GALC: variants seen among roughly 807,000 people sequenced by gnomAD.
GALC encodes galactosylceramidase.
GALC carries 77 observed loss-of-function variants against 91.8 expected under a neutral mutation model. The ratio of observed to expected loss-of-function variants is 0.84; its 90% CI spans 0.70 to 1.01. GALC has a LOEUF of 1.01. GALC is among the 50% of genes least tolerant of loss of function. GALC has a pLI of 0.00. For missense variants in GALC, 882 were observed against 855.9 expected, an observed-to-expected ratio of 1.03 and a Z score of -0.38; for synonymous variants, 357 against 306.7, an observed-to-expected ratio of 1.16 and a Z score of -1.71.
chr14:87,984,283 A>G, intron 5 of GALC, 111 bp downstream of exon 5: 2 of 1,057,804 alleles, frequency 1.9e-6, no homozygotes, highest in Non-Finnish European at 2.8e-6. Context: ...ATTAGAACAA[A>G]TTAGCCTCAT....
Position 87,980,994 on chromosome 14 carries a change from T to C in GALC, c.621+1211A>G, listed in dbSNP as rs146039277. ...TATCTTTTTTGTATAATGACTTCTT[T>C]TCCTCTGGGTAGATACCCAGTAGCA... is the stretch of plus-strand genomic sequence containing the variant. On this transcript the variant is annotated intron_variant, in intron 6 of 16. Transcript: ENST00000261304. Among the ~76,000 whole-genome samples, 513 of 152,356 alleles carry C rather than the reference T, an allele frequency of 3.4e-3. 3 individuals carry two copies. Among genetic ancestry groups the C allele is most frequent in the African/African-American group, 0.012 (491 of 41,576 alleles).
At position 87,934,174 on chromosome 14, in the gene GALC, C is replaced by T; in HGVS notation, c.*558G>A. ...AAATCATCCCACTCATCATATCCTGCATTTCAAAAGTATCATCTTAAAAAG... is the reference window on the plus strand; with the variant it reads ...AAATCATCCCACTCATCATATCCTGTATTTCAAAAGTATCATCTTAAAAAG... On this transcript the variant is annotated 3_prime_UTR_variant, in exon 17 of 17. Coordinates refer to ENST00000261304, the MANE Select transcript of GALC (RefSeq NM_000153.4). The T allele has an allele frequency of 7.2e-7, 1 of 1,396,086 alleles. No individual in the cohort carries two copies. Among genetic ancestry groups the T allele is most frequent in the Non-Finnish European group, 9.3e-7 (1 of 1,078,364 alleles). 86.5% of individuals were successfully genotyped at this position (1,396,086 alleles called of 1,614,324 possible).
intron 7 of GALC, among the ~76,000 whole-genome samples, chr14:87,970,383 A>T (rs1219092369): frequency 3.3e-5 from 5 of 152,144 alleles, no homozygotes; most frequent in Admixed American, 6.5e-5. Flanking sequence ...TTCTATAATG[A>T]GCATATTATA....
Position 87,993,053 on chromosome 14 carries a change from C to CCAGCAGCGCACA in GALC, c.100_111dup (p.Cys34_Leu37dup), listed in dbSNP as rs1162941737. 1.3e-6 allele frequency: 2 copies of CCAGCAGCGCACA among 1,562,890 alleles called. No homozygotes were observed. The highest frequency in any genetic ancestry group is 1.9e-5 in the Admixed American group (1 of 53,660). On this transcript the variant is annotated inframe_insertion, in exon 1 of 17. Coordinates refer to ENST00000261304, the MANE Select transcript of GALC (RefSeq NM_000153.4). ...TCGAGCACGTACGCGCCGCCGGGCG[C>CCAGCAGCGCACA]CAGCAGCGCACACAGCAGCAAGGGC...
At chr14:87,962,433 G>A (rs1229305945) in intron 10 of GALC, among the ~76,000 whole-genome samples, 2 of 152,036 alleles carry the variant, frequency 1.3e-5, no homozygotes, top group Non-Finnish European at 1.5e-5. Flanking sequence ...GACACCTTTG[G>A]TTTGAAAAGG....
intron 10 of GALC, chr14:87,953,371 G>C (rs1885389805): frequency 7.0e-7 from 1 of 1,424,424 alleles, no homozygotes; most frequent in East Asian, 2.3e-5. Context: ...CATTCAACTT[G>C]ATGATTTTAC....
intron 9 of GALC, among the ~76,000 whole-genome samples, chr14:87,965,298 C>T (rs1447037336): frequency 1.3e-5 from 2 of 152,140 alleles, no homozygotes; most frequent in African/African-American, 4.8e-5. Context: ...CTCTCCTACA[C>T]TTTTCTAAAA....
chr14:87,993,240 C>T (rs1887316190), upstream of GALC: 4 of 1,543,242 alleles, frequency 2.6e-6, no homozygotes, highest in South Asian at 4.8e-5. Context: ...CAGGAGGCCG[C>T]TGATGCTGAC....
rs545966555 is a variant in GALC, at chr14:87,992,465, T to C, written c.195+505A>G. ...TCTCTGGAGGAGCCCATTCTTACCC[T>C]GCACTAACAACTGCACGGGACTTAA... On this transcript the variant is annotated intron_variant, in intron 1 of 16. Transcript: ENST00000261304. 7.2e-5 allele frequency: 111 copies of C among 1,533,086 alleles called. No individual in the cohort carries two copies. In the South Asian group the frequency reaches 8.2e-4, roughly 11 times the overall value. 95.0% of individuals were successfully genotyped at this position (1,533,086 alleles called of 1,614,324 possible). A position where few individuals can be genotyped will look rare whatever the true frequency, so the allele number is the denominator to read the frequency against.
At chr14:87,937,519 A>T (rs1471114407) in intron 16 of GALC, among the ~76,000 whole-genome samples, 4 of 151,900 alleles carry the variant, frequency 2.6e-5, no homozygotes, top group Non-Finnish European at 2.9e-5. Flanking sequence ...AGGTGGGTGC[A>T]AGCCAGCAAA....
intron 10 of GALC, chr14:87,953,436 T>C: frequency 6.6e-7 from 1 of 1,515,984 alleles, no homozygotes; most frequent in Non-Finnish European, 9.1e-7. Flanking sequence ...ATTTTAGTCC[T>C]GTTTTTCCTA....
At chr14:87,945,036 G>A (rs1030881175) in intron 14 of GALC, among the ~76,000 whole-genome samples, 1 of 151,982 alleles carries the variant, frequency 6.6e-6, no homozygotes. Flanking sequence ...AATATAACTT[G>A]TCTCTTTACC....
intron 1 of GALC, chr14:87,992,213 CA>C (rs1887228489): frequency 1.4e-6 from 2 of 1,416,318 alleles, no homozygotes; most frequent in African/African-American, 1.4e-5. Flanking sequence ...AACTCAACCC[CA>C]AAAATCCGAG....
intron 10 of GALC, among the ~76,000 whole-genome samples, chr14:87,956,335 C>G (rs1043045208): frequency 6.6e-6 from 1 of 151,850 alleles, no homozygotes; most frequent in Non-Finnish European, 1.5e-5. Context: ...AATAAATAAA[C>G]AACAACAAGC....
At position 87,933,600 on chromosome 14, in the gene GALC, C is replaced by A. The variant is rs1288726408; in HGVS notation, c.*1132G>T. The A allele has an allele frequency of 2.3e-5, 4 of 174,792 alleles. No homozygotes were observed. Among genetic ancestry groups the A allele is most frequent in the Admixed American group, 6.2e-5 (1 of 16,140 alleles). 10.8% of individuals were successfully genotyped at this position (174,792 alleles called of 1,614,324 possible). ...TCACTGTAGCTAAGCCTATGTTAGA[C>A]TCTTACAAATTCCTAAATAGTAGAA... On this transcript the variant is annotated 3_prime_UTR_variant, in exon 17 of 17. Coordinates refer to ENST00000261304, the MANE Select transcript of GALC (RefSeq NM_000153.4).
chr14:87,947,663 G>A, intron 13 of GALC, 65 bp downstream of exon 13: 1 of 1,482,868 alleles, frequency 6.7e-7, no homozygotes, highest in Admixed American at 1.7e-5. Flanking sequence ...CAGTTTGACA[G>A]GTAGAAATCA....
intron 7 of GALC, among the ~76,000 whole-genome samples, chr14:87,970,852 G>C (rs1005292574): frequency 7.6e-6 from 1 of 131,424 alleles, no homozygotes; most frequent in African/African-American, 3.0e-5. Context: ...CTGGGCGACA[G>C]AGGACAGAGT....
At chr14:87,939,027 T>C (rs445148) in intron 16 of GALC, among the ~76,000 whole-genome samples, 145,402 of 151,944 alleles carry the variant, frequency 0.96, 69,870 homozygotes, top group Non-Finnish European at 1. Context: ...AAACATTAGA[T>C]GTGCAAGCTC....
At chr14:87,954,483 A>G in intron 10 of GALC, 2 of 1,573,938 alleles carry the variant, frequency 1.3e-6, no homozygotes, top group South Asian at 1.1e-5. Flanking sequence ...CTTTTTGTTC[A>G]GCGCAATTAC....
Sources: gnomAD v4.1 joint callset for allele counts (sites outside exome capture counted in the v4.1 genomes callset) on GRCh38, gnomAD v4.1.1 for gene constraint, MANE v1.5 for transcripts, NCBI Gene and HGNC (gene_info 2026-07-23, HGNC 2026-07-21) for gene names.